The following SDK1 variants were observed in gnomAD, a reference collection of about 807,000 sequenced individuals.
SDK1 encodes the protein protein sidekick-1.
A neutral mutation model predicts 245.5 loss-of-function variants in SDK1; 157 were observed. The ratio of observed to expected loss-of-function variants is 0.64; its 90% CI spans 0.56 to 0.73. The LOEUF (loss-of-function observed/expected upper bound fraction) is 0.73, where lower values mean the gene tolerates loss of function less well. SDK1 is among the 30% of genes least tolerant of loss of function. The probability of loss-of-function intolerance (pLI) is 0.00; values close to 1 mark genes in which losing one functional copy is unlikely to be tolerated. For missense variants in SDK1, 3,583 were observed against 3,002.3 expected (o/e 1.19, Z -4.52); for synonymous variants, 1,647 against 1,278.5 (o/e 1.29, Z -6.15).
At chr7:3,703,409 T>C (rs989583108) in intron 4 of SDK1, among the ~76,000 whole-genome samples, 1 of 152,172 alleles carries the variant, frequency 6.6e-6, no homozygotes, top group Admixed American at 6.5e-5. Context: ...ATTCTCAAAA[T>C]GAGAAAATTA....
chr7:3,824,214 G>T (rs535965929), intron 5 of SDK1, among the ~76,000 whole-genome samples: 11 of 152,120 alleles, frequency 7.2e-5, no homozygotes, highest in Admixed American at 1.3e-4. Flanking sequence ...TTGATACTGG[G>T]AGTAAGATAG....
intron 1 of SDK1, among the ~76,000 whole-genome samples, chr7:3,412,909 A>T (rs1419139006): frequency 1.3e-5 from 2 of 152,212 alleles, no homozygotes; most frequent in Non-Finnish European, 2.9e-5. Flanking sequence ...GTACATATTT[A>T]TTGCAAACCT....
intron 4 of SDK1, among the ~76,000 whole-genome samples, chr7:3,796,575 C>G (rs1009571521): frequency 2.0e-5 from 3 of 152,180 alleles, no homozygotes; most frequent in African/African-American, 7.2e-5. Context: ...ACTTTCAGTA[C>G]ATAGCCAGGC....
At chr7:4,120,644 TCTCA>T (rs1341887387) in intron 25 of SDK1, among the ~76,000 whole-genome samples, 1 of 149,540 alleles carries the variant, frequency 6.7e-6, no homozygotes, top group African/African-American at 2.4e-5. Context: ...TGAGGTGGAG[TCTCA>T]CTCTGTCACC....
chr7:3,487,273 T>C (rs1781729096), intron 1 of SDK1, among the ~76,000 whole-genome samples: 1 of 152,222 alleles, frequency 6.6e-6, no homozygotes, highest in Non-Finnish European at 1.5e-5. Flanking sequence ...TAGTAATTTG[T>C]TGAAAAACAT....
At chr7:4,069,184 G>A (rs1240302303) in intron 20 of SDK1, among the ~76,000 whole-genome samples, 1 of 152,222 alleles carries the variant, frequency 6.6e-6, no homozygotes, top group Non-Finnish European at 1.5e-5. Context: ...AAGAGCCTCA[G>A]CAGACCTCTG....
At chr7:4,199,315 A>T (rs1290102352) in intron 35 of SDK1, among the ~76,000 whole-genome samples, 1 of 152,166 alleles carries the variant, frequency 6.6e-6, no homozygotes, top group South Asian at 2.1e-4. Context: ...AAGCACACAC[A>T]GTCCGCAAGC....
intron 1 of SDK1, among the ~76,000 whole-genome samples, chr7:3,364,138 G>A (rs1434233673): frequency 6.6e-6 from 1 of 152,040 alleles, no homozygotes; most frequent in African/African-American, 2.4e-5. Flanking sequence ...TAACTGGATC[G>A]TTTTTCACTG....
At chr7:3,918,385 G>T (rs1158459646) in intron 5 of SDK1, among the ~76,000 whole-genome samples, 1 of 152,184 alleles carries the variant, frequency 6.6e-6, no homozygotes, top group Non-Finnish European at 1.5e-5. Context: ...GGCTGCATTA[G>T]ATTCTCGTAA....
intron 4 of SDK1, among the ~76,000 whole-genome samples, chr7:3,793,654 A>G (rs1318152061): frequency 6.6e-6 from 1 of 152,212 alleles, no homozygotes; most frequent in African/African-American, 2.4e-5. Flanking sequence ...TACAAACTGT[A>G]TCTTTCTAAA....
In SDK1 at chr7:4,221,148, C is replaced by T. The variant is rs141025819; in HGVS notation, c.5702-91C>T. The T allele has an allele frequency of 7.0e-4, 1,035 of 1,488,598 alleles. 5 individuals are homozygous for T. The African/African-American group carries it at 9.5e-3, about 14-fold the overall frequency. 92.2% of individuals were successfully genotyped at this position (1,488,598 alleles called of 1,614,324 possible). A position where few individuals can be genotyped will look rare whatever the true frequency, so the allele number is the denominator to read the frequency against. On this transcript the variant is annotated intron_variant, in intron 39 of 44. Coordinates refer to ENST00000404826, the MANE Select transcript of SDK1 (RefSeq NM_152744.4). ...TGCCCAGACACTCTGCAGCCTCGAC[C>T]GGTCTGACCCCCCACTGTGAAATCT... is the stretch of plus-strand genomic sequence containing the variant.
At chr7:3,788,288 A>G (rs1321285054) in intron 4 of SDK1, among the ~76,000 whole-genome samples, 3 of 152,140 alleles carry the variant, frequency 2.0e-5, no homozygotes, top group African/African-American at 4.8e-5. Flanking sequence ...ACCTGGTCTC[A>G]CCTTGTGTCT....
intron 1 of SDK1, among the ~76,000 whole-genome samples, chr7:3,467,080 G>C (rs1562503610): frequency 1.4e-5 from 2 of 146,558 alleles, no homozygotes; most frequent in East Asian, 4.0e-4. Context: ...ACATCAAAAT[G>C]GTAAAAGTCA....
intron 17 of SDK1, among the ~76,000 whole-genome samples, chr7:4,036,250 C>T (rs944643913): frequency 6.6e-6 from 1 of 152,142 alleles, no homozygotes; most frequent in Non-Finnish European, 1.5e-5. Context: ...ATAATTAAGT[C>T]TCTTTAAATT....
intron 4 of SDK1, among the ~76,000 whole-genome samples, chr7:3,689,321 T>C (rs1199407777): frequency 2.0e-5 from 3 of 152,158 alleles, no homozygotes; most frequent in African/African-American, 7.2e-5. Context: ...TTCTCCCTCC[T>C]CCCTGTTCCT....
rs185725521 is a variant in SDK1 at position 3,678,929 on chromosome 7, T to A, written c.713+36824T>A. On this transcript the variant is annotated intron_variant, in intron 4 of 44. Transcript: ENST00000404826. ...CACATTTTATATCTTTAAAAAAACT[T>A]AAATGAACAACAACAACAAAATGAC... Among the ~76,000 whole-genome samples the A allele has an allele frequency of 2.6e-4, 40 of 152,256 alleles. No homozygotes were observed. In the East Asian group the frequency reaches 7.7e-3, roughly 29 times the overall value.
At chr7:3,615,310 TAAGAG>T (rs1407513302) in intron 1 of SDK1, among the ~76,000 whole-genome samples, 1 of 151,568 alleles carries the variant, frequency 6.6e-6, no homozygotes, top group African/African-American at 2.4e-5. Flanking sequence ...GTTTGGGTAA[TAAGAG>T]GAGATGATTT....
chr7:3,457,945 T>G (rs1337695408), intron 1 of SDK1, among the ~76,000 whole-genome samples: 1 of 152,258 alleles, frequency 6.6e-6, no homozygotes, highest in Admixed American at 6.5e-5. Context: ...GTCTATATTT[T>G]ACTCTCACAC....
At chr7:3,331,865 T>C (rs1277260669) in intron 1 of SDK1, among the ~76,000 whole-genome samples, 1 of 152,226 alleles carries the variant, frequency 6.6e-6, no homozygotes, top group African/African-American at 2.4e-5. Context: ...TTTAAAGGTA[T>C]TTTGATAAGA....
Sources: gnomAD v4.1 joint callset for allele counts (sites outside exome capture counted in the v4.1 genomes callset) on GRCh38, gnomAD v4.1.1 for gene constraint, MANE v1.5 for transcripts, NCBI Gene and HGNC (gene_info 2026-07-23, HGNC 2026-07-21) for gene names.